TIE1: variants seen among roughly 807,000 people sequenced by gnomAD.
TIE1 encodes tyrosine kinase with immunoglobulin like and EGF like domains 1.
Under a neutral mutation model 130.5 loss-of-function variants are expected in TIE1, and 89 were observed. The ratio of observed to expected loss-of-function variants is 0.68; its 90% CI spans 0.57 to 0.81. TIE1 has a LOEUF of 0.81. Ranked by LOEUF, TIE1 falls within the 40% of genes least tolerant of loss-of-function variation. The probability of loss-of-function intolerance (pLI) is 0.00; values close to 1 mark genes in which losing one functional copy is unlikely to be tolerated. For synonymous variants in TIE1, 568 were observed against 629.4 expected, an observed-to-expected ratio of 0.90 and a Z score of 1.46; for missense variants, 1,392 against 1,559.8, an observed-to-expected ratio of 0.89 and a Z score of 1.81.
rs751929994 is a variant in TIE1 at position 43,305,180 on chromosome 1, CG to C, written c.373+21del. On this transcript the variant is annotated intron_variant, in intron 2 of 22. Coordinates refer to ENST00000372476, the MANE Select transcript of TIE1 (RefSeq NM_005424.5). The stretch of plus-strand genomic sequence containing the variant: ...CAGCCCTGGAGGTGAGTTAGGCAGG[CG>C]GGGGGATGGCGCGGGGAAAACCAGG... The C allele has an allele frequency of 6.2e-7, 1 of 1,613,948 alleles. No individual in the cohort carries two copies. Among genetic ancestry groups the C allele is most frequent in the East Asian group, 2.2e-5 (1 of 44,868 alleles).
rs760802772 is a variant in TIE1 at position 43,305,000 on chromosome 1, G to T, written c.208G>T (p.Val70Leu). 6.5e-7 allele frequency: 1 copy of T among 1,534,650 alleles called. No homozygotes were observed. Among genetic ancestry groups the T allele is most frequent in the Admixed American group, 2.0e-5 (1 of 50,702 alleles). ...PLLLEKDDRI[V>L]RTPPGPPLRL... ...GCTGCTGGAGAAGGACGACCGTATC[G>T]TGCGCACCCCGCCCGGGCCACCCCT... is the stretch of plus-strand genomic sequence containing the variant. Residue 70 changes from valine to leucine, a missense_variant, in exon 2 of 23, where the codon GTG (valine) becomes TTG (leucine). Around this residue, in one of 6 missense-constraint regions of TIE1, gnomAD observed 415 missense variants for 424.8 expected, o/e 0.98. Coordinates refer to ENST00000372476, the MANE Select transcript of TIE1 (RefSeq NM_005424.5).
At position 43,312,200 on chromosome 1, in the gene TIE1, T is replaced by C; in HGVS notation, c.1630+69T>C. On this transcript the variant is annotated intron_variant, in intron 11 of 22. Transcript: ENST00000372476. This position sits in a 1 kb window ranked among gnomAD's most constrained non-coding sequence, Gnocchi z 5.6. Reference sequence around the variant, plus strand: ...CTTTCCCGTCGACCCCAGGGACCCCTGCCTTTCCCACTGGAGGTTGTTCTT... The same window carrying C: ...CTTTCCCGTCGACCCCAGGGACCCCCGCCTTTCCCACTGGAGGTTGTTCTT... 1 of 1,513,518 alleles carries C rather than the reference T, an allele frequency of 6.6e-7. No homozygotes were observed. Among genetic ancestry groups the C allele is most frequent in the East Asian group, 2.3e-5 (1 of 43,778 alleles). 93.8% of individuals were successfully genotyped at this position (1,513,518 alleles called of 1,614,324 possible).
Position 43,309,401 on chromosome 1 carries a change from T to C in TIE1, c.1202T>C (p.Ile401Thr). ...DGTVLLSTKA[I>T]VEPEKTTAEF... ...CATCTCTTTTAGTCCACCAAGGCCA[T>C]TGTGGAGCCAGAGAAGACCACAGCT... The change falls in exon 9 of 23, where the codon ATT (isoleucine) becomes ACT (threonine). Residue 401 changes from isoleucine (I) to threonine (T), a missense_variant. This residue lies in a region of TIE1 where 551 missense variants were observed against 565.5 expected (regional missense o/e 0.97). Coordinates refer to ENST00000372476, the MANE Select transcript of TIE1 (RefSeq NM_005424.5). This position sits in a 1 kb window ranked among gnomAD's most constrained non-coding sequence, Gnocchi z 6.3. 1 of 1,599,240 alleles carries C rather than the reference T, an allele frequency of 6.3e-7. No homozygotes were observed. The highest frequency in any genetic ancestry group is 8.5e-7 in the Non-Finnish European group (1 of 1,173,866).
intron 19 of TIE1, chr1:43,320,632 C>G (rs371685509): frequency 4.6e-5 from 7 of 152,286 alleles, no homozygotes; most frequent in African/African-American, 1.7e-4. Flanking sequence ...GCGGGCAGAT[C>G]ACAAGGTCAG....
At position 43,317,856 on chromosome 1, in the gene TIE1, C is replaced by G. The variant is rs1398380306; in HGVS notation, c.2732-26C>G. 1.9e-6 allele frequency: 3 copies of G among 1,611,898 alleles called. No individual in the cohort carries two copies. The highest frequency in any genetic ancestry group is 2.5e-6 in the Non-Finnish European group (3 of 1,178,676). On this transcript the variant is annotated intron_variant, in intron 16 of 22. Transcript: ENST00000372476. This position sits in a 1 kb window ranked among gnomAD's most constrained non-coding sequence, Gnocchi z 5.1. Reference sequence around the variant, plus strand: ...CCCTAGGTTGCCTGTGTCTAAATCACCACTGTCTGTCTCTTTGCCTCTCAG... The same window carrying G: ...CCCTAGGTTGCCTGTGTCTAAATCAGCACTGTCTGTCTCTTTGCCTCTCAG...
chr1:43,312,181 C>T lies in TIE1; in HGVS notation c.1630+50C>T, dbSNP rs1999595. The T allele has an allele frequency of 0.85, 1,289,066 of 1,511,344 alleles. 550,942 individuals are homozygous for T. Among genetic ancestry groups the T allele is most frequent in the Non-Finnish European group, 0.87 (977,058 of 1,129,508 alleles). 93.6% of individuals were successfully genotyped at this position (1,511,344 alleles called of 1,614,324 possible). A position where few individuals can be genotyped will look rare whatever the true frequency, so the allele number is the denominator to read the frequency against. ...CCTGTCCCCCCAAGGGTTACTTTCCCGTCGACCCCAGGGACCCCTGCCTTT... is the reference window on the plus strand; with the variant it reads ...CCTGTCCCCCCAAGGGTTACTTTCCTGTCGACCCCAGGGACCCCTGCCTTT... On this transcript the variant is annotated intron_variant, in intron 11 of 22. Coordinates refer to ENST00000372476, the MANE Select transcript of TIE1 (RefSeq NM_005424.5). This position sits in a 1 kb window ranked among gnomAD's most constrained non-coding sequence, Gnocchi z 5.6.
rs1646833022 is a variant in TIE1 at position 43,313,977 on chromosome 1, C to T, written c.2409+9C>T. Reference sequence around the variant, plus strand: ...CCTACCAGTCAGGCTCGGTCAGTGACCCGCCCCGCCCCTGGGTGCATGCTT... The same window carrying T: ...CCTACCAGTCAGGCTCGGTCAGTGATCCGCCCCGCCCCTGGGTGCATGCTT... On this transcript the variant is annotated intron_variant, in intron 14 of 22. Coordinates refer to ENST00000372476, the MANE Select transcript of TIE1 (RefSeq NM_005424.5). The surrounding 1 kb of genome is among the most constrained non-coding windows in gnomAD (Gnocchi z 6.2). The T allele has an allele frequency of 1.1e-5, 17 of 1,614,014 alleles. No individual in the cohort carries two copies. The highest frequency in any genetic ancestry group is 2.2e-5 in the South Asian group (2 of 91,074).
At chr1:43,303,802 C>G (rs1237263174) in intron 1 of TIE1, among the ~76,000 whole-genome samples, 1 of 152,178 alleles carries the variant, frequency 6.6e-6, no homozygotes, top group African/African-American at 2.4e-5. Flanking sequence ...ATTTCTCTCC[C>G]TCCCCATTGT....
chr1:43,307,558 G>A lies in TIE1; in HGVS notation c.899G>A (p.Ser300Asn), dbSNP rs1338983266. ...GCSCGSGWRG[S>N]QCQEACAPGH... ...TCTTGTGGATCTGGCTGGAGAGGAA[G>A]CCAGTGCCAAGAAGGTATGCCTAAC... is the stretch of plus-strand genomic sequence containing the variant. Residue 300 changes from serine (S) to asparagine (N), a missense_variant, in exon 6 of 23, where the codon AGC (serine) becomes AAC (asparagine). By Grantham distance (46) the Ser-to-Asn change is conservative. Coordinates refer to ENST00000372476, the MANE Select transcript of TIE1 (RefSeq NM_005424.5). This position sits in a 1 kb window ranked among gnomAD's most constrained non-coding sequence, Gnocchi z 5.4. The A allele has an allele frequency of 1.2e-6, 2 of 1,613,970 alleles. No homozygotes were observed. The highest frequency in any genetic ancestry group is 2.2e-5 in the East Asian group (1 of 44,892).
Position 43,317,645 on chromosome 1 carries a change from T to TC in TIE1, c.2703dup (p.Asn902GlnfsTer7). 1 of 1,602,032 alleles carries TC rather than the reference T, an allele frequency of 6.2e-7. No homozygotes were observed. The highest frequency in any genetic ancestry group is 8.5e-7 in the Non-Finnish European group (1 of 1,172,936). The stretch of plus-strand genomic sequence containing the variant: ...AAATTGGGGCATCACCCCAACATCA[T>TC]CAACCTCCTGGGGGCCTGTAAGAAC... On this transcript the variant is annotated frameshift_variant, in exon 16 of 23. Coordinates refer to ENST00000372476, the MANE Select transcript of TIE1 (RefSeq NM_005424.5). LOFTEE classifies it high-confidence loss of function. This position sits in a 1 kb window ranked among gnomAD's most constrained non-coding sequence, Gnocchi z 5.1.
chr1:43,317,497 C>A lies in TIE1; in HGVS notation c.2621-67C>A. 1.2e-6 allele frequency: 2 copies of A among 1,606,446 alleles called. No individual in the cohort carries two copies. The highest frequency in any genetic ancestry group is 4.5e-5 in the East Asian group (2 of 44,838). Reference sequence around the variant, plus strand: ...CCACCTGGCTTCCTCCAGCAATTGACCCCAGCCCTTGCCAGCCCTTTCTCC... The same window carrying A: ...CCACCTGGCTTCCTCCAGCAATTGAACCCAGCCCTTGCCAGCCCTTTCTCC... On this transcript the variant is annotated intron_variant, in intron 15 of 22. Coordinates refer to ENST00000372476, the MANE Select transcript of TIE1 (RefSeq NM_005424.5). This position sits in a 1 kb window ranked among gnomAD's most constrained non-coding sequence, Gnocchi z 5.1.
rs1646855107 is a variant in TIE1 at position 43,316,036 on chromosome 1, G to A, written c.2410-1163G>A. On this transcript the variant is annotated intron_variant, in intron 14 of 22. Transcript: ENST00000372476. This position sits in a 1 kb window ranked among gnomAD's most constrained non-coding sequence, Gnocchi z 4.4. Reference sequence around the variant, plus strand: ...ATCGTGCCATTGCCCTTCCGCCTGGGCAACAGAGCGAGACCTTGTCTCAAA... The same window carrying A: ...ATCGTGCCATTGCCCTTCCGCCTGGACAACAGAGCGAGACCTTGTCTCAAA... Among the ~76,000 whole-genome samples, 1 of 152,178 alleles carries A rather than the reference G, an allele frequency of 6.6e-6. No individual in the cohort carries two copies. The highest frequency in any genetic ancestry group is 2.1e-4 in the South Asian group (1 of 4,834).
In TIE1 at chr1:43,305,262, A is replaced by G. The variant is rs1646716397; in HGVS notation, c.403A>G (p.Thr135Ala). 6.2e-7 allele frequency: 1 copy of G among 1,613,442 alleles called. No individual in the cohort carries two copies. The highest frequency in any genetic ancestry group is 8.5e-7 in the Non-Finnish European group (1 of 1,179,608). ...AHLLPDKVTH[T>A]VNKGDTAVLS... Reference sequence around the variant, plus strand: ...CCTGCTTCCAGACAAGGTCACACACACTGTGAACAAAGGTGACACCGCTGT... The same window carrying G: ...CCTGCTTCCAGACAAGGTCACACACGCTGTGAACAAAGGTGACACCGCTGT... Residue 135 changes from threonine (T) to alanine (A), a missense_variant, in exon 3 of 23, where the codon ACT (threonine) becomes GCT (alanine). Around this residue, in one of 6 missense-constraint regions of TIE1, gnomAD observed 415 missense variants for 424.8 expected, o/e 0.98. Transcript: ENST00000372476.
chr1:43,308,066 G>A, intron 7 of TIE1, 142 bp downstream of exon 7: 2 of 1,294,820 alleles, frequency 1.5e-6, no homozygotes. Context: ...CTGATGGACA[G>A]GGAGCTCTGG....
At chr1:43,304,508 A>C (rs1646702825) in intron 1 of TIE1, among the ~76,000 whole-genome samples, 1 of 152,234 alleles carries the variant, frequency 6.6e-6, no homozygotes, top group Non-Finnish European at 1.5e-5. Flanking sequence ...AGCATAGATC[A>C]TTCTTTCCGA....
In TIE1 at chr1:43,309,061, C is replaced by T; in HGVS notation, c.1118C>T (p.Ala373Val). ...GAGACGATGCCCCGGATCAACTGTG[C>T]AGCTGCAGGGAACCCCTTCCCCGTG... ...NLETMPRINCAAAGNPFPVRG... is the reference protein window; with the variant it reads ...NLETMPRINCVAAGNPFPVRG... The change falls in exon 8 of 23, where the codon GCA becomes GTA. Residue 373 changes from alanine to valine, a missense_variant. Ala to Val is a moderately conservative substitution (Grantham distance 64). Coordinates refer to ENST00000372476, the MANE Select transcript of TIE1 (RefSeq NM_005424.5). The surrounding 1 kb of genome is among the most constrained non-coding windows in gnomAD (Gnocchi z 6.3). 1 of 1,614,016 alleles carries T rather than the reference C, an allele frequency of 6.2e-7. No homozygotes were observed. The highest frequency in any genetic ancestry group is 8.5e-7 in the Non-Finnish European group (1 of 1,179,932).
In TIE1 at chr1:43,318,146, G is replaced by A. The variant is rs1393233398; in HGVS notation, c.2922+74G>A. On this transcript the variant is annotated intron_variant, in intron 17 of 22. Coordinates refer to ENST00000372476, the MANE Select transcript of TIE1 (RefSeq NM_005424.5). The surrounding 1 kb of genome is among the most constrained non-coding windows in gnomAD (Gnocchi z 4.4). ...CTGGTGTCAGTGGAAGAAGTCAGCC[G>A]GCCCTGATTGTATCTGGGGATTGAG... The A allele has an allele frequency of 1.0e-5, 15 of 1,480,358 alleles. No individual in the cohort carries two copies. The highest frequency in any genetic ancestry group is 2.4e-5 in the Admixed American group (1 of 41,662). The allele number at this position is 1,480,358 out of a possible 1,614,324, so 91.7% of individuals were successfully genotyped here. A position where few individuals can be genotyped will look rare whatever the true frequency, so the allele number is the denominator to read the frequency against.
In TIE1 at chr1:43,311,668, C is replaced by A; in HGVS notation, c.1334-3C>A. 6.2e-7 allele frequency: 1 copy of A among 1,610,740 alleles called. No individual in the cohort carries two copies. Among genetic ancestry groups the A allele is most frequent in the Non-Finnish European group, 8.5e-7 (1 of 1,178,844 alleles). On this transcript the variant is annotated splice_region_variant and splice_polypyrimidine_tract_variant and intron_variant, in intron 9 of 22. Transcript: ENST00000372476. Reference sequence around the variant, plus strand: ...CCATGCCTTACCCTGAGTCTCCTGGCAGTGCCCCCCGTGCCCCTGGCTGCA... The same window carrying A: ...CCATGCCTTACCCTGAGTCTCCTGGAAGTGCCCCCCGTGCCCCTGGCTGCA...
At position 43,309,691 on chromosome 1, in the gene TIE1, G is replaced by A. The variant is rs903758150; in HGVS notation, c.1333+159G>A. ...GGGTTGTGGTCAACCAGAGGTCCGG[G>A]CTGGGCAGTGTCAAGGCTGGAGTAC... On this transcript the variant is annotated intron_variant, in intron 9 of 22. Transcript: ENST00000372476. This position sits in a 1 kb window ranked among gnomAD's most constrained non-coding sequence, Gnocchi z 6.3. 2.6e-5 allele frequency among the ~76,000 whole-genome samples: 4 copies of A among 152,162 alleles called. No homozygotes were observed. The highest frequency in any genetic ancestry group is 4.4e-5 in the Non-Finnish European group (3 of 68,034).
Sources: gnomAD v4.1 joint callset for allele counts (sites outside exome capture counted in the v4.1 genomes callset) on GRCh38, gnomAD v4.1.1 for gene constraint, gnomAD v4.1.1 regional missense constraint, Gnocchi (gnomAD v3.1) non-coding constraint, MANE v1.5 for transcripts, NCBI Gene and HGNC (gene_info 2026-07-23, HGNC 2026-07-21) for gene names.